The following ABCA3 variants were observed in gnomAD, a reference collection of about 807,000 sequenced individuals.
The protein encoded by ABCA3 is phospholipid-transporting ATPase ABCA3.
Under a neutral mutation model 172.8 loss-of-function variants are expected in ABCA3, and 88 were observed. The ratio of observed to expected loss-of-function variants is 0.51; its 90% CI spans 0.43 to 0.61. ABCA3 has a LOEUF of 0.61. ABCA3 is among the 20% of genes least tolerant of loss of function. ABCA3 has a pLI of 0.00. For synonymous variants in ABCA3, 1,066 were observed against 983.8 expected (o/e 1.08, Z -1.56); for missense variants, 2,164 against 2,301.0 (o/e 0.94, Z 1.22).
At chr16:2,299,341 C>T (rs2093685207) in intron 14 of ABCA3, 62 bp downstream of exon 14, 1 of 1,603,408 alleles carries the variant, frequency 6.2e-7, no homozygotes, top group Non-Finnish European at 8.5e-7. Context: ...GCGGGGCTGG[C>T]GCTGAGATGG....
In ABCA3 at chr16:2,299,990, C is replaced by A. The variant is rs769473251; in HGVS notation, c.1611+15G>T. 4.3e-6 allele frequency: 7 copies of A among 1,612,314 alleles called. No individual in the cohort carries two copies. The East Asian group carries it at 1.3e-4, about 31-fold the overall frequency. ...TGGCAGCCCCGGCCCTCCCTGTCCCCACAGGAGGCGGCACCTTGGACAGGT... is the reference window on the plus strand; with the variant it reads ...TGGCAGCCCCGGCCCTCCCTGTCCCAACAGGAGGCGGCACCTTGGACAGGT... On this transcript the variant is annotated intron_variant, in intron 13 of 32. Transcript: ENST00000301732.
Position 2,284,627 on chromosome 16 carries a change from G to T in ABCA3, c.3703+152C>A. ...GACGCCTGCCCACCAGTCATGGCTA[G>T]CCGGGCAGGGCCAGCTGGGGCAGAG... On this transcript the variant is annotated intron_variant, in intron 24 of 32. Coordinates refer to ENST00000301732, the MANE Select transcript of ABCA3 (RefSeq NM_001089.3). The surrounding 1 kb of genome is among the most constrained non-coding windows in gnomAD (Gnocchi z 5.9). The T allele has an allele frequency of 8.3e-7, 1 of 1,210,182 alleles. No individual in the cohort carries two copies. The highest frequency in any genetic ancestry group is 1.2e-6 in the Non-Finnish European group (1 of 853,884). 75.0% of individuals were successfully genotyped at this position (1,210,182 alleles called of 1,614,324 possible). A position where few individuals can be genotyped will look rare whatever the true frequency, so the allele number is the denominator to read the frequency against.
At chr16:2,306,831 C>T (rs1025344421) in intron 11 of ABCA3, among the ~76,000 whole-genome samples, 4 of 151,932 alleles carry the variant, frequency 2.6e-5, no homozygotes, top group Admixed American at 6.6e-5. Context: ...CTGGCTAACA[C>T]AGTGAAACCC....
intron 1 of ABCA3, chr16:2,332,312 C>G: frequency 1.7e-5 from 12 of 692,178 alleles, no homozygotes; most frequent in Non-Finnish European, 3.2e-5. Context: ...TCACGATGGG[C>G]TTATCGGTAG....
intron 5 of ABCA3, among the ~76,000 whole-genome samples, 175 bp from the exon 6 acceptor site, chr16:2,324,706 G>A (rs1418439485): frequency 1.3e-5 from 2 of 152,134 alleles, no homozygotes; most frequent in African/African-American, 2.4e-5. Context: ...TGCCATCAAG[G>A]AGGGCAGAAT....
chr16:2,286,631 T>C lies in ABCA3; in HGVS notation c.3278+63A>G. On this transcript the variant is annotated intron_variant, in intron 22 of 32. Coordinates refer to ENST00000301732, the MANE Select transcript of ABCA3 (RefSeq NM_001089.3). The surrounding 1 kb of genome is among the most constrained non-coding windows in gnomAD (Gnocchi z 5.2). ...TGCTCTATCTATGGGCCCGTGGCAGTGCCCAGGGCAGTCAGTCCTGGGGGC... is the reference window on the plus strand; with the variant it reads ...TGCTCTATCTATGGGCCCGTGGCAGCGCCCAGGGCAGTCAGTCCTGGGGGC... 1.9e-6 allele frequency: 3 copies of C among 1,601,466 alleles called. No individual in the cohort carries two copies. The highest frequency in any genetic ancestry group is 2.2e-5 in the South Asian group (2 of 90,496).
In ABCA3 at chr16:2,279,162, G is replaced by A. The variant is rs376443871; in HGVS notation, c.4360-32C>T. On this transcript the variant is annotated intron_variant, in intron 28 of 32. Coordinates refer to ENST00000301732, the MANE Select transcript of ABCA3 (RefSeq NM_001089.3). This position sits in a 1 kb window ranked among gnomAD's most constrained non-coding sequence, Gnocchi z 4.4. The stretch of plus-strand genomic sequence containing the variant: ...TCGGAGCATAGCCGGGGAGGGAGGC[G>A]GGTTGGAGGGAAGCCTCCTTCCTCC... 34 of 1,604,954 alleles carry A rather than the reference G, an allele frequency of 2.1e-5. No homozygotes were observed. The highest frequency in any genetic ancestry group is 1.1e-4 in the East Asian group (5 of 44,824).
Position 2,297,667 on chromosome 16 carries a change from G to A in ABCA3, c.2052+99C>T. The A allele has an allele frequency of 1.3e-6, 2 of 1,590,866 alleles. No individual in the cohort carries two copies. Among genetic ancestry groups the A allele is most frequent in the Non-Finnish European group, 1.7e-6 (2 of 1,172,674 alleles). Reference sequence around the variant, plus strand: ...GTCCTCCAAGGATGGTGATGGCCTTGTCTGGGGTGTCAAGGGCCAAGGTGC... The same window carrying A: ...GTCCTCCAAGGATGGTGATGGCCTTATCTGGGGTGTCAAGGGCCAAGGTGC... On this transcript the variant is annotated intron_variant, in intron 16 of 32. Transcript: ENST00000301732. This position sits in a 1 kb window ranked among gnomAD's most constrained non-coding sequence, Gnocchi z 5.6.
intron 8 of ABCA3, among the ~76,000 whole-genome samples, chr16:2,318,108 T>G (rs2093719460): frequency 6.6e-6 from 1 of 152,238 alleles, no homozygotes; most frequent in African/African-American, 2.4e-5. Flanking sequence ...CCAGCCCTTC[T>G]GGGGGTGGGC....
rs187102710 is a variant in ABCA3, at chr16:2,314,452, G to A, written c.1111+2831C>T. 4.6e-5 allele frequency among the ~76,000 whole-genome samples: 7 copies of A among 152,056 alleles called. No homozygotes were observed. The East Asian group carries it at 1.2e-3, about 25-fold the overall frequency. On this transcript the variant is annotated intron_variant, in intron 10 of 32. Transcript: ENST00000301732. ...ACAGGAAGTAGGGTGCTGGTTTCCAGGGAAGGGGGGTGGGGGAGTCAGTGT... is the reference window on the plus strand; with the variant it reads ...ACAGGAAGTAGGGTGCTGGTTTCCAAGGAAGGGGGGTGGGGGAGTCAGTGT...
At position 2,297,567 on chromosome 16, in the gene ABCA3, G is replaced by A. The variant is rs368037875; in HGVS notation, c.2053-28C>T. 279 of 1,609,476 alleles carry A rather than the reference G, an allele frequency of 1.7e-4. 2 individuals are homozygous for A. In the East Asian group the frequency reaches 3.6e-3, roughly 21 times the overall value. On this transcript the variant is annotated intron_variant, in intron 16 of 32. Transcript: ENST00000301732. The surrounding 1 kb of genome is among the most constrained non-coding windows in gnomAD (Gnocchi z 5.6). ...GGAGGGAGAGACACAGTCTCGCGAC[G>A]CTGGTAGAGCCACACCCCGGGCCCA...
intron 12 of ABCA3, among the ~76,000 whole-genome samples, chr16:2,300,629 C>T (rs2093687399): frequency 1.3e-5 from 2 of 152,244 alleles, no homozygotes; most frequent in Non-Finnish European, 2.9e-5. Flanking sequence ...TTCCCATCTT[C>T]TCTGTGGCCA....
Position 2,298,502 on chromosome 16 carries a change from C to T in ABCA3, c.1780G>A (p.Gly594Arg), listed in dbSNP as rs368830525. ...PPTSGRAYIS[G>R]YEISQDMVQI... ...ACCATGTCCTGGGAAATTTCATACC[C>T]GCTGATGTATGCCCGTCCACTGGTG... The change falls in exon 15 of 33, where the codon GGG becomes AGG. Residue 594 changes from glycine (G) to arginine (R), a missense_variant. This residue lies in a region of ABCA3 where 1,343 missense variants were observed against 1,369.6 expected (regional missense o/e 0.98). Coordinates refer to ENST00000301732, the MANE Select transcript of ABCA3 (RefSeq NM_001089.3). 37 of 1,614,014 alleles carry T rather than the reference C, an allele frequency of 2.3e-5. No homozygotes were observed. The highest frequency in any genetic ancestry group is 2.5e-5 in the Non-Finnish European group (30 of 1,180,024).
In ABCA3 at chr16:2,286,981, G is replaced by T; in HGVS notation, c.3005-14C>A. 1 of 1,610,604 alleles carries T rather than the reference G, an allele frequency of 6.2e-7. No individual in the cohort carries two copies. Reference sequence around the variant, plus strand: ...CCTCCAGGTCACCTGGGGAGCAATGGCAGAGTCAGGGGACACAGGAAGAGG... The same window carrying T: ...CCTCCAGGTCACCTGGGGAGCAATGTCAGAGTCAGGGGACACAGGAAGAGG... On this transcript the variant is annotated splice_polypyrimidine_tract_variant and intron_variant, in intron 21 of 32. Coordinates refer to ENST00000301732, the MANE Select transcript of ABCA3 (RefSeq NM_001089.3). The surrounding 1 kb of genome is among the most constrained non-coding windows in gnomAD (Gnocchi z 5.2).
Position 2,285,428 on chromosome 16 carries a change from C to T in ABCA3, c.3483+14G>A. ...GTCTGCAGGGGAACGGATCCAGCACCCTCCGGCGCTCACCAGCAGCAGCAG... is the reference window on the plus strand; with the variant it reads ...GTCTGCAGGGGAACGGATCCAGCACTCTCCGGCGCTCACCAGCAGCAGCAG... On this transcript the variant is annotated intron_variant, in intron 23 of 32. Coordinates refer to ENST00000301732, the MANE Select transcript of ABCA3 (RefSeq NM_001089.3). The surrounding 1 kb of genome is among the most constrained non-coding windows in gnomAD (Gnocchi z 4.7). The T allele has an allele frequency of 1.2e-6, 2 of 1,600,052 alleles. No homozygotes were observed. The highest frequency in any genetic ancestry group is 8.5e-7 in the Non-Finnish European group (1 of 1,173,520).
chr16:2,314,194 T>C (rs1462153358), intron 10 of ABCA3, among the ~76,000 whole-genome samples: 3 of 152,134 alleles, frequency 2.0e-5, no homozygotes, highest in Admixed American at 6.5e-5. Context: ...AGCACACTCA[T>C]GACAGCCACA....
At chr16:2,298,664 G>T in intron 14 of ABCA3, 124 bp from the exon 15 acceptor site, 2 of 1,211,404 alleles carry the variant, frequency 1.7e-6, no homozygotes, top group Non-Finnish European at 2.3e-6. Context: ...CCATGAGAGG[G>T]CACGGAACCC....
rs746104195 is a variant in ABCA3, at chr16:2,278,437, C to T, written c.4569G>A (p.Leu1523=). The T allele has an allele frequency of 7.8e-5, 126 of 1,612,508 alleles. No individual in the cohort carries two copies. The highest frequency in any genetic ancestry group is 1.0e-4 in the Non-Finnish European group (119 of 1,180,024). The change falls in exon 30 of 33, where the codon CTG becomes CTA. Residue 1523 remains leucine, a synonymous_variant. Transcript: ENST00000301732. This position sits in a 1 kb window ranked among gnomAD's most constrained non-coding sequence, Gnocchi z 4.4. Reference sequence around the variant, plus strand: ...CTCCGATCAGGGCGATGCCGGTGCTCAGCTTCCGCTTGTTACCACCACTAG... The same window carrying T: ...CTCCGATCAGGGCGATGCCGGTGCTTAGCTTCCGCTTGTTACCACCACTAG... The part of the protein sequence containing the change: ...RTYSGGNKRK[L]STGIALIGEP...
At chr16:2,299,918 C>T (rs976851060) in intron 13 of ABCA3, 87 bp downstream of exon 13, 33 of 1,575,456 alleles carry the variant, frequency 2.1e-5, no homozygotes, top group South Asian at 1.1e-4. Context: ...GAGCGCCTGA[C>T]GGGCTATGAG....
Sources: allele counts gnomAD v4.1 joint callset (sites outside exome capture counted in the v4.1 genomes callset), GRCh38; gene constraint gnomAD v4.1.1; regional missense constraint gnomAD v4.1.1; non-coding constraint Gnocchi (gnomAD v3.1); transcripts MANE v1.5; gene names NCBI Gene and HGNC (gene_info 2026-07-23, HGNC 2026-07-21).